ZNF550: variants seen among roughly 807,000 people sequenced by gnomAD.
The protein encoded by ZNF550 is zinc finger protein 550.
A neutral mutation model predicts 40.2 loss-of-function variants in ZNF550; 42 were observed. That is an observed-to-expected ratio of 1.05 (90% confidence interval 0.82 to 1.35). ZNF550 has a LOEUF of 1.35. ZNF550 is among the 40% of genes most tolerant of loss of function. The probability of loss-of-function intolerance (pLI) is 0.00; values close to 1 mark genes in which losing one functional copy is unlikely to be tolerated. For synonymous variants in ZNF550, 223 were observed against 198.6 expected (o/e 1.12, Z -1.03); for missense variants, 549 against 525.2 (o/e 1.05, Z -0.44).
chr19:57,559,793 C>T, exon 1 of ZNF550: 2 of 1,006,456 alleles, frequency 2.0e-6, no homozygotes, highest in East Asian at 3.2e-5. Flanking sequence ...CCATCCTTCC[C>T]AGCACAGTTC....
rs1481710710 is a variant in ZNF550 at position 57,559,677 on chromosome 19, C to T, written c.6G>A (p.Ala2=). 13 of 1,504,886 alleles carry T rather than the reference C, an allele frequency of 8.6e-6. No individual in the cohort carries two copies. The African/African-American group carries it at 1.4e-4, about 16-fold the overall frequency. The allele number at this position is 1,504,886 out of a possible 1,614,324, so 93.2% of individuals were successfully genotyped here. Residue 2 remains alanine, a synonymous_variant, in exon 1 of 5, where the codon GCG becomes GCA. Transcript: ENST00000457177. ...TCACCTGCGCTGCGTCCTTCGTCTC[C>T]GCCATCCGACCGTTGGCAGGACGAG...
chr19:57,552,680 T>A, exon 3 of ZNF550: 1 of 1,598,464 alleles, frequency 6.3e-7, no homozygotes, highest in Non-Finnish European at 8.5e-7. Flanking sequence ...CTCCTGCCCA[T>A]GCTCTAGCAG....
At chr19:57,544,434 G>T (rs2089990097) in intron 4 of ZNF550, 2 of 985,254 alleles carry the variant, frequency 2.0e-6, no homozygotes, top group African/African-American at 3.5e-5. Flanking sequence ...TTCTAGAGGG[G>T]TTTCTCCAAC....
At chr19:57,547,080 C>A in exon 4 of ZNF550, 2 of 1,613,742 alleles carry the variant, frequency 1.2e-6, no homozygotes, top group Non-Finnish European at 1.7e-6. Context: ...TGACAGAGTG[C>A]TGAATGAGGT....
rs2090029289 is a variant in ZNF550 at position 57,547,520 on chromosome 19, G to A, written c.724C>T (p.Gln242Ter). The A allele has an allele frequency of 6.2e-7, 1 of 1,613,758 alleles. No individual in the cohort carries two copies. The highest frequency in any genetic ancestry group is 1.3e-5 in the African/African-American group (1 of 74,798). Residue 242 changes from glutamine (Q) to a stop codon, truncating the protein, a stop_gained, in exon 4 of 5, where the codon CAG becomes TAG. Transcript: ENST00000457177. LOFTEE classifies it high-confidence loss of function. ...TAGTGCCGAATGAGAGTTGAGCTCTGGCTAAAGGCTTTCCCACATGCATTG... is the reference window on the plus strand; with the variant it reads ...TAGTGCCGAATGAGAGTTGAGCTCTAGCTAAAGGCTTTCCCACATGCATTG...
At chr19:57,561,338 C>T (rs2090163163), upstream of ZNF550, among the ~76,000 whole-genome samples, 1 of 152,168 alleles carries the variant, frequency 6.6e-6, no homozygotes, top group Admixed American at 6.5e-5. The surrounding 1 kb of genome is among the most constrained non-coding windows in gnomAD (Gnocchi z 4.9). Context: ...ATTTTGTTCT[C>T]AGGAGTAAAC....
chr19:57,559,859 G>A, exon 1 of ZNF550: 1 of 491,524 alleles, frequency 2.0e-6, no homozygotes, highest in East Asian at 3.5e-5. Context: ...GAGGCCGGAA[G>A]TCCCGCCCCT....
intron 1 of ZNF550, among the ~76,000 whole-genome samples, chr19:57,558,216 G>A (rs1229474442): frequency 2.0e-5 from 3 of 152,232 alleles, no homozygotes; most frequent in Admixed American, 2.0e-4. Flanking sequence ...CAGCCCCGCA[G>A]AGACCTGAGA....
intron 4 of ZNF550, chr19:57,543,494 T>C (rs750704082): frequency 8.1e-6 from 4 of 495,418 alleles, no homozygotes; most frequent in African/African-American, 4.2e-5. Context: ...CTGTGACATT[T>C]ACTGATTGAA....
chr19:57,552,623 T>C lies in ZNF550; in HGVS notation c.250+4A>G. The C allele has an allele frequency of 6.3e-7, 1 of 1,594,678 alleles. No homozygotes were observed. Among genetic ancestry groups the C allele is most frequent in the Non-Finnish European group, 8.5e-7 (1 of 1,177,462 alleles). ...CTCCACATGACCAGCTGGTGGCTGC[T>C]TACCTGCACAGGTAGCATGTGAGAG... On this transcript the variant is annotated splice_donor_region_variant and intron_variant, in intron 3 of 4. Transcript: ENST00000457177.
chr19:57,544,084 T>C (rs1463925167), intron 4 of ZNF550: 8 of 985,330 alleles, frequency 8.1e-6, no homozygotes, highest in Non-Finnish European at 9.6e-6. Flanking sequence ...GCACCTGTTC[T>C]CATGTGTTTT....
chr19:57,558,780 A>G (rs1206746874), intron 1 of ZNF550, among the ~76,000 whole-genome samples: 1 of 152,180 alleles, frequency 6.6e-6, no homozygotes, highest in African/African-American at 2.4e-5. Flanking sequence ...GCTGACAGTA[A>G]TCTGGGCTAT....
chr19:57,553,709 T>C (rs946002215), intron 2 of ZNF550: 1 of 151,594 alleles, frequency 6.6e-6, no homozygotes, highest in Non-Finnish European at 1.5e-5. Context: ...CCAGGAGGCA[T>C]TTTCTAACAA....
exon 4 of ZNF550, chr19:57,547,386 G>T: frequency 6.2e-7 from 1 of 1,611,580 alleles, no homozygotes; most frequent in South Asian, 1.1e-5. Context: ...TACACTCATA[G>T]GGTTTCTCTC....
chr19:57,543,330 C>T (rs895232969), intron 4 of ZNF550: 1 of 354,702 alleles, frequency 2.8e-6, no homozygotes, highest in Non-Finnish European at 3.9e-6. Flanking sequence ...CCCTCTACCC[C>T]ATCCCTTCCC....
chr19:57,552,678 C>T (rs745807639), exon 3 of ZNF550: 29 of 1,598,320 alleles, frequency 1.8e-5, no homozygotes, highest in Non-Finnish European at 2.4e-5. Flanking sequence ...AGCTCCTGCC[C>T]ATGCTCTAGC....
chr19:57,547,653 A>T, exon 4 of ZNF550: 1 of 1,614,204 alleles, frequency 6.2e-7, no homozygotes, highest in Non-Finnish European at 8.5e-7. Flanking sequence ...TTGTCCCTGC[A>T]TGAATCAAGG....
chr19:57,544,675 A>G lies in ZNF550; in HGVS notation c.*519-1432T>C, dbSNP rs111623728. ...CCACAGTAAAAGGTACATGCCCACT[A>G]TGAAAACATGAATATATATGCAGTG... On this transcript the variant is annotated intron_variant, in intron 4 of 4. Transcript: ENST00000457177. The G allele has an allele frequency of 4.0e-3, 3,318 of 839,140 alleles. 98 individuals are homozygous for G. In the African/African-American group the frequency reaches 0.055, roughly 14 times the overall value. The allele number at this position is 839,140 out of a possible 1,614,324, so 52.0% of individuals were successfully genotyped here. A position where few individuals can be genotyped will look rare whatever the true frequency, so the allele number is the denominator to read the frequency against.
rs1328790901 is a variant in ZNF550 at position 57,546,773 on chromosome 19, C to T, written c.*202G>A. Reference sequence around the variant, plus strand: ...GAACTGAGTGGTGACTGAAGGGATCCTTACATTCACTGTATTCACAGGGCT... The same window carrying T: ...GAACTGAGTGGTGACTGAAGGGATCTTTACATTCACTGTATTCACAGGGCT... On this transcript the variant is annotated 3_prime_UTR_variant, in exon 4 of 5. Coordinates refer to ENST00000457177, the Ensembl canonical transcript of ZNF550. The T allele has an allele frequency of 2.9e-6, 4 of 1,360,430 alleles. No individual in the cohort carries two copies. The Admixed American group carries it at 9.1e-5, about 31-fold the overall frequency. 84.3% of individuals were successfully genotyped at this position (1,360,430 alleles called of 1,614,324 possible).
Sources: allele counts gnomAD v4.1 joint callset (sites outside exome capture counted in the v4.1 genomes callset), GRCh38; gene constraint gnomAD v4.1.1; non-coding constraint Gnocchi (gnomAD v3.1); transcripts MANE v1.5; gene names NCBI Gene and HGNC (gene_info 2026-07-23, HGNC 2026-07-21).